Variants in CCDC91 observed in about 807,000 individuals in gnomAD.
The protein encoded by CCDC91 is coiled-coil domain-containing protein 91.
A neutral mutation model predicts 63.2 loss-of-function variants in CCDC91; 48 were observed. That is an observed-to-expected ratio of 0.76 (90% CI 0.60 to 0.97). The LOEUF is 0.97. Among genes scored for constraint, CCDC91 ranks in the 50% least tolerant of loss-of-function variants. The pLI, the probability that CCDC91 is intolerant of heterozygous loss-of-function variation, is 0.00. For missense variants in CCDC91, 500 were observed against 494.6 expected (o/e 1.01, Z -0.10); for synonymous variants, 167 against 165.8 (o/e 1.01, Z -0.06).
At chr12:28,362,120 G>A (rs1360792673) in intron 6 of CCDC91, among the ~76,000 whole-genome samples, 2 of 151,896 alleles carry the variant, frequency 1.3e-5, no homozygotes, top group Non-Finnish European at 2.9e-5. Flanking sequence ...AGTGACGCAG[G>A]GTTTCCCATC....
intron 2 of CCDC91, 92 bp downstream of exon 2, chr12:28,257,337 TC>T: frequency 1.4e-6 from 1 of 738,834 alleles, no homozygotes. Context: ...TCATTGGCAT[TC>T]ATGATATTTC....
chr12:28,348,330 A>G (rs1332645608), intron 6 of CCDC91, among the ~76,000 whole-genome samples: 1 of 152,158 alleles, frequency 6.6e-6, no homozygotes, highest in Admixed American at 6.5e-5. Context: ...TACTGGCATT[A>G]TGTATCTGAG....
intron 1 of CCDC91, among the ~76,000 whole-genome samples, chr12:28,222,971 T>G (rs1287658695): frequency 6.6e-6 from 1 of 152,226 alleles, no homozygotes. Flanking sequence ...CATCTATTTT[T>G]CCATTCTTCT....
chr12:28,206,891 C>G (rs1299414421), intron 1 of CCDC91, among the ~76,000 whole-genome samples: 2 of 152,220 alleles, frequency 1.3e-5, no homozygotes, highest in Admixed American at 6.5e-5. Flanking sequence ...AAATGATGCC[C>G]TTCCAGGGAA....
intron 12 of CCDC91, among the ~76,000 whole-genome samples, chr12:28,515,485 C>CTTTA (rs1939844361): frequency 6.6e-6 from 1 of 151,820 alleles, no homozygotes; most frequent in African/African-American, 2.4e-5. Context: ...TTTGCTAACT[C>CTTTA]TTTAGTTAAC....
chr12:28,469,717 A>G (rs1240591577), intron 11 of CCDC91, among the ~76,000 whole-genome samples: 1 of 152,218 alleles, frequency 6.6e-6, no homozygotes, highest in Non-Finnish European at 1.5e-5. Context: ...CCAAAGCAGC[A>G]TGGTACTGGC....
chr12:28,418,451 G>A (rs1470125715), intron 8 of CCDC91, among the ~76,000 whole-genome samples: 3 of 152,048 alleles, frequency 2.0e-5, no homozygotes, highest in Admixed American at 6.6e-5. Flanking sequence ...AATTCAAACT[G>A]TACAACTTTT....
At chr12:28,494,450 C>T (rs1233392500) in intron 12 of CCDC91, among the ~76,000 whole-genome samples, 1 of 151,672 alleles carries the variant, frequency 6.6e-6, no homozygotes, top group Non-Finnish European at 1.5e-5. Context: ...TTTGTAAAGC[C>T]TATCCTGGTA....
intron 6 of CCDC91, among the ~76,000 whole-genome samples, chr12:28,311,831 A>C (rs1405727633): frequency 6.6e-6 from 1 of 151,638 alleles, no homozygotes; most frequent in African/African-American, 2.4e-5. Flanking sequence ...ATTGACTTTT[A>C]TTGGGGCTTT....
chr12:28,349,981 C>A (rs1943071595), intron 6 of CCDC91, among the ~76,000 whole-genome samples: 1 of 152,182 alleles, frequency 6.6e-6, no homozygotes, highest in Non-Finnish European at 1.5e-5. Flanking sequence ...GCTACCAAAT[C>A]CTGAGTATTT....
intron 7 of CCDC91, among the ~76,000 whole-genome samples, chr12:28,380,230 G>T (rs1243265419): frequency 6.6e-6 from 1 of 152,040 alleles, no homozygotes; most frequent in Admixed American, 6.6e-5. Context: ...TGTAACTGAC[G>T]AGTTGATGGG....
intron 7 of CCDC91, among the ~76,000 whole-genome samples, chr12:28,377,064 T>C (rs980576227): frequency 6.6e-6 from 1 of 151,680 alleles, no homozygotes; most frequent in Non-Finnish European, 1.5e-5. Flanking sequence ...TTTGTTTTGC[T>C]ACTGTGTAAG....
intron 11 of CCDC91, among the ~76,000 whole-genome samples, chr12:28,458,084 G>A (rs1950135017): frequency 6.6e-6 from 1 of 151,874 alleles, no homozygotes; most frequent in South Asian, 2.1e-4. Flanking sequence ...ATTTAGTACT[G>A]CCACCTGACC....
intron 6 of CCDC91, among the ~76,000 whole-genome samples, chr12:28,314,184 TAA>T (rs5797267): frequency 1.7e-4 from 25 of 151,188 alleles, no homozygotes; most frequent in Admixed American, 5.3e-4. Context: ...AAAATTTAAT[TAA>T]AAAAAAAACA....
rs141485741 is a variant in CCDC91, at chr12:28,280,156, C to T, written c.109+20714C>T. Among the ~76,000 whole-genome samples the T allele has an allele frequency of 2.8e-4, 43 of 152,130 alleles. No homozygotes were observed. In the East Asian group the frequency reaches 7.9e-3, roughly 28 times the overall value. On this transcript the variant is annotated intron_variant, in intron 3 of 12. Coordinates refer to ENST00000536442, the MANE Select transcript of CCDC91 (RefSeq NM_018318.5). ...AACAGAAAGTACACAATTCTTTTCT[C>T]CTGTATTTGATCTATTTAAACTAGC...
chr12:28,445,580 G>GT (rs964912547), intron 8 of CCDC91, among the ~76,000 whole-genome samples: 2 of 152,210 alleles, frequency 1.3e-5, no homozygotes, highest in Non-Finnish European at 2.9e-5. Flanking sequence ...AAGAGGAATG[G>GT]TTGAAAGTCT....
At chr12:28,199,414 T>C (rs1261568664) in intron 1 of CCDC91, among the ~76,000 whole-genome samples, 1 of 152,214 alleles carries the variant, frequency 6.6e-6, no homozygotes, top group Non-Finnish European at 1.5e-5. Context: ...CAGTATCCAT[T>C]AACACTGATT....
rs191091607 is a variant in CCDC91 at position 28,247,882 on chromosome 12, G to A, written c.-14-9320G>A. On this transcript the variant is annotated intron_variant, in intron 1 of 12. Coordinates refer to ENST00000536442, the MANE Select transcript of CCDC91 (RefSeq NM_018318.5). ...GTTAGATTCTCCTAAGGAGCACACAGCCTAGATCCCTCATATGCACAGTTC... is the reference window on the plus strand; with the variant it reads ...GTTAGATTCTCCTAAGGAGCACACAACCTAGATCCCTCATATGCACAGTTC... Among the ~76,000 whole-genome samples, 393 of 152,278 alleles carry A rather than the reference G, an allele frequency of 2.6e-3. 4 individuals carry two copies. Among genetic ancestry groups the A allele is most frequent in the Non-Finnish European group, 3.7e-3 (249 of 68,022 alleles).
rs532163245 is a variant in CCDC91, at chr12:28,225,457, C to G, written c.-14-31745C>G. ...GCATTACCCCTTTTCCCACTACCCCCTTTTTTTTTTGAGACAGAGTTTCAC... is the reference window on the plus strand; with the variant it reads ...GCATTACCCCTTTTCCCACTACCCCGTTTTTTTTTTGAGACAGAGTTTCAC... On this transcript the variant is annotated intron_variant, in intron 1 of 12. Transcript: ENST00000536442. Among the ~76,000 whole-genome samples, 24 of 148,596 alleles carry G rather than the reference C, an allele frequency of 1.6e-4. No individual in the cohort carries two copies. The South Asian group carries it at 4.5e-3, about 28-fold the overall frequency.
Sources: allele counts gnomAD v4.1 joint callset (sites outside exome capture counted in the v4.1 genomes callset), GRCh38; gene constraint gnomAD v4.1.1; transcripts MANE v1.5; gene names NCBI Gene and HGNC (gene_info 2026-07-23, HGNC 2026-07-21).